The following CALR3 variants were observed in gnomAD, a reference collection of about 807,000 sequenced individuals.
CALR3 encodes the protein calreticulin-3.
A neutral mutation model predicts 48.7 loss-of-function variants in CALR3; 39 were observed. The observed-to-expected ratio is 0.80, with a 90% CI of 0.62 to 1.05. The LOEUF is 1.05. Among genes scored for constraint, CALR3 ranks in the 50% least tolerant of loss-of-function variants. CALR3 has a pLI of 0.00. For missense variants in CALR3, 449 were observed against 474.7 expected, an observed-to-expected ratio of 0.95 and a Z score of 0.50; for synonymous variants, 185 against 172.7, an observed-to-expected ratio of 1.07 and a Z score of -0.56.
chr19:16,484,139 G>GT (rs773013367), intron 4 of CALR3, 24 bp from the exon 5 acceptor site: 109 of 1,573,340 alleles, frequency 6.9e-5, no homozygotes, highest in Non-Finnish European at 8.9e-5. Context: ...GGGGAAAAGC[G>GT]TAACAATTAA....
Position 16,495,804 on chromosome 19 carries a change from C to A in CALR3, c.140G>T (p.Gly47Val). ...WLQSTNDSRF[G>V]HFRLSSGKFY... ...CTTGCCCGACGAAAGTCTAAAATGC[C>A]CAAATCGGGAGTCATTGGTGGACTG... The change falls in exon 2 of 9, where the codon GGG (glycine) becomes GTG (valine). Residue 47 changes from glycine (G) to valine (V), a missense_variant. By Grantham distance (109) the Gly-to-Val change is moderately radical. Coordinates refer to ENST00000269881, the MANE Select transcript of CALR3 (RefSeq NM_145046.5). 6.2e-7 allele frequency: 1 copy of A among 1,614,106 alleles called. No homozygotes were observed. Among genetic ancestry groups the A allele is most frequent in the Non-Finnish European group, 8.5e-7 (1 of 1,180,026 alleles).
intron 3 of CALR3, among the ~76,000 whole-genome samples, chr19:16,486,752 A>G (rs555628303): frequency 6.6e-6 from 1 of 152,170 alleles, no homozygotes; most frequent in East Asian, 1.9e-4. Context: ...AAATGTCAAG[A>G]CTGACAATAA....
intron 2 of CALR3, among the ~76,000 whole-genome samples, chr19:16,493,205 T>C (rs2093400665): frequency 6.6e-6 from 1 of 152,210 alleles, no homozygotes; most frequent in Non-Finnish European, 1.5e-5. Context: ...TTGTGACCAC[T>C]GACCTTAGTT....
At chr19:16,494,052 T>C (rs543389604) in intron 2 of CALR3, among the ~76,000 whole-genome samples, 2 of 152,020 alleles carry the variant, frequency 1.3e-5, no homozygotes, top group East Asian at 3.9e-4. Flanking sequence ...GTAATGTTTA[T>C]CTCTGTATTT....
At chr19:16,479,882 G>A (rs1465262900) in intron 8 of CALR3, among the ~76,000 whole-genome samples, 2 of 152,054 alleles carry the variant, frequency 1.3e-5, no homozygotes, top group Non-Finnish European at 2.9e-5. Flanking sequence ...CACCACCTAG[G>A]ATAGGCTGAA....
At chr19:16,479,652 G>A (rs189707027) in intron 8 of CALR3, among the ~76,000 whole-genome samples, 229 of 151,848 alleles carry the variant, frequency 1.5e-3, no homozygotes, top group Admixed American at 5.5e-3. Flanking sequence ...CCAGCTGCTC[G>A]GGAGGCTGAG....
At chr19:16,493,592 C>G (rs2093401247) in intron 2 of CALR3, among the ~76,000 whole-genome samples, 1 of 139,856 alleles carries the variant, frequency 7.2e-6, no homozygotes, top group South Asian at 2.2e-4. Flanking sequence ...CTCTGTTGCC[C>G]AGGCTGGAGT....
At chr19:16,484,635 A>G (rs776270632) in intron 4 of CALR3, among the ~76,000 whole-genome samples, 5 of 152,042 alleles carry the variant, frequency 3.3e-5, no homozygotes, top group African/African-American at 4.8e-5. Context: ...CTCCCACCTC[A>G]GCCTCCCCAG....
At chr19:16,486,490 C>A (rs1163132497) in intron 3 of CALR3, among the ~76,000 whole-genome samples, 1 of 151,670 alleles carries the variant, frequency 6.6e-6, no homozygotes, top group Non-Finnish European at 1.5e-5. Flanking sequence ...CATGGTGGCA[C>A]ACGCCTGTAA....
chr19:16,483,731 A>T, intron 5 of CALR3, 199 bp downstream of exon 5: 1 of 590,932 alleles, frequency 1.7e-6, no homozygotes, highest in Non-Finnish European at 3.0e-6. Context: ...AAAATAAATA[A>T]ATAAGTAAAT....
Position 16,482,591 on chromosome 19 carries a change from A to G in CALR3, c.787-10T>C. The G allele has an allele frequency of 1.9e-6, 3 of 1,614,204 alleles. No individual in the cohort carries two copies. Among genetic ancestry groups the G allele is most frequent in the Non-Finnish European group, 2.5e-6 (3 of 1,180,044 alleles). ...CTGGTTTCAGGCCATCCTGTATCAA[A>G]AAAACCATATGGGGTGGTCTCAATG... On this transcript the variant is annotated splice_polypyrimidine_tract_variant and intron_variant, in intron 6 of 8. Transcript: ENST00000269881.
intron 5 of CALR3, 173 bp downstream of exon 5, chr19:16,483,757 G>A (rs1038378158): frequency 3.2e-5 from 20 of 623,028 alleles, no homozygotes; most frequent in South Asian, 2.0e-4. Flanking sequence ...AATGTTTTAC[G>A]ATACCTTCAG....
chr19:16,481,714 C>T (rs1176058938), intron 7 of CALR3, among the ~76,000 whole-genome samples: 1 of 151,704 alleles, frequency 6.6e-6, no homozygotes, highest in Non-Finnish European at 1.5e-5. Context: ...GCCCAGGCTG[C>T]TCTCAAACGC....
At chr19:16,481,099 A>G (rs1461796795) in intron 7 of CALR3, among the ~76,000 whole-genome samples, 1 of 151,784 alleles carries the variant, frequency 6.6e-6, no homozygotes, top group Non-Finnish European at 1.5e-5. Flanking sequence ...AGCTGCAGTG[A>G]GTTGAGATCG....
At chr19:16,481,429 A>T (rs950096966) in intron 7 of CALR3, among the ~76,000 whole-genome samples, 2 of 147,674 alleles carry the variant, frequency 1.4e-5, no homozygotes, top group African/African-American at 2.5e-5. Flanking sequence ...GCACATCGGG[A>T]TCACCAAAAC....
intron 3 of CALR3, among the ~76,000 whole-genome samples, chr19:16,486,721 C>G (rs1296098105): frequency 6.6e-6 from 1 of 151,266 alleles, no homozygotes; most frequent in Non-Finnish European, 1.5e-5. Flanking sequence ...TTATGCATAA[C>G]TTATGCATAG....
chr19:16,493,374 C>A (rs2093400871), intron 2 of CALR3, among the ~76,000 whole-genome samples: 2 of 152,256 alleles, frequency 1.3e-5, no homozygotes, highest in South Asian at 4.1e-4. Flanking sequence ...ATCTATCAAG[C>A]CTTGCCTAGA....
intron 2 of CALR3, among the ~76,000 whole-genome samples, chr19:16,495,001 G>A (rs79686954): frequency 2.6e-5 from 4 of 152,072 alleles, no homozygotes; most frequent in South Asian, 2.1e-4. Context: ...TTAGGAGGCC[G>A]AGGCAGGTGG....
intron 8 of CALR3, 21 bp downstream of exon 8, chr19:16,480,593 A>G (rs1270631663): frequency 6.6e-7 from 1 of 1,504,686 alleles, no homozygotes; most frequent in Non-Finnish European, 9.3e-7. Flanking sequence ...ATGTAGGAAG[A>G]GTTAATCACG....
Sources: gnomAD v4.1 joint callset for allele counts (sites outside exome capture counted in the v4.1 genomes callset) on GRCh38, gnomAD v4.1.1 for gene constraint, MANE v1.5 for transcripts, NCBI Gene and HGNC (gene_info 2026-07-23, HGNC 2026-07-21) for gene names.